Variants in RAD51B observed in about 807,000 individuals in gnomAD.
RAD51B encodes RAD51 paralog B, also known as DNA repair protein RAD51 homolog 2.
A neutral mutation model predicts 42.2 loss-of-function variants in RAD51B; 38 were observed. The observed-to-expected ratio is 0.90, with a 90% CI of 0.70 to 1.18. The LOEUF (loss-of-function observed/expected upper bound fraction) is 1.18. Ranked by LOEUF, RAD51B falls within the 50% of genes most tolerant of loss-of-function variation. The pLI is 0.00. For missense variants in RAD51B, 373 were observed against 400.7 expected, an observed-to-expected ratio of 0.93 and a Z score of 0.59; for synonymous variants, 154 against 145.2, an observed-to-expected ratio of 1.06 and a Z score of -0.43.
chr14:68,309,961 C>T (rs1259898699), intron 8 of RAD51B, among the ~76,000 whole-genome samples: 4 of 152,012 alleles, frequency 2.6e-5, no homozygotes, highest in African/African-American at 9.7e-5. Flanking sequence ...TAGGATGGCA[C>T]ATGTAAATTA....
At chr14:67,953,416 G>T (rs2074489966) in intron 7 of RAD51B, among the ~76,000 whole-genome samples, 1 of 152,132 alleles carries the variant, frequency 6.6e-6, no homozygotes, top group Admixed American at 6.6e-5. Context: ...GGCAAGTAAA[G>T]CTTAGAGCCA....
At chr14:67,837,143 G>GCA (rs1018514123) in intron 4 of RAD51B, among the ~76,000 whole-genome samples, 2 of 151,274 alleles carry the variant, frequency 1.3e-5, no homozygotes, top group African/African-American at 2.4e-5. Flanking sequence ...TAATAAAAAT[G>GCA]CACACACACA....
chr14:68,212,185 T>C lies in RAD51B; in HGVS notation c.757-79699T>C, dbSNP rs571780248. On this transcript the variant is annotated intron_variant, in intron 7 of 10. Coordinates refer to ENST00000471583, the MANE Select transcript of RAD51B (RefSeq NM_133510.4). The stretch of plus-strand genomic sequence containing the variant: ...GACCCAAGCTGTACAGTTCATACAA[T>C]GAAATAGTGCCATTTAGTAAAAAAG... 2.0e-4 allele frequency among the ~76,000 whole-genome samples: 30 copies of C among 152,294 alleles called. No individual in the cohort carries two copies. The East Asian group carries it at 5.6e-3, about 28-fold the overall frequency.
chr14:68,336,953 C>CA (rs1240098051), intron 8 of RAD51B, among the ~76,000 whole-genome samples: 1 of 152,122 alleles, frequency 6.6e-6, no homozygotes, highest in African/African-American at 2.4e-5. Context: ...ATGTTTTTAA[C>CA]AAACATTACA....
At chr14:68,276,969 AG>A (rs2081237937) in intron 7 of RAD51B, among the ~76,000 whole-genome samples, 1 of 152,240 alleles carries the variant, frequency 6.6e-6, no homozygotes, top group Admixed American at 6.5e-5. Flanking sequence ...GCACTTGAAA[AG>A]ATGAGTGTAC....
chr14:68,667,547 A>G (rs767127), intron 11 of RAD51B, among the ~76,000 whole-genome samples: 78,567 of 152,078 alleles, frequency 0.52, 20,663 homozygotes, highest in East Asian at 0.8. Flanking sequence ...AAAATTAACC[A>G]TTACATCCAG....
At chr14:67,965,112 C>T (rs552060788) in intron 7 of RAD51B, among the ~76,000 whole-genome samples, 15 of 152,250 alleles carry the variant, frequency 9.9e-5, no homozygotes, top group Admixed American at 6.5e-4. Context: ...GGGTTGCTAT[C>T]CTAGTAAGTA....
intron 4 of RAD51B, among the ~76,000 whole-genome samples, chr14:67,841,389 T>C (rs1212470948): frequency 6.6e-6 from 1 of 152,198 alleles, no homozygotes; most frequent in Admixed American, 6.5e-5. Context: ...ATTTATTCTG[T>C]TGATAGTTTC....
At chr14:68,120,733 T>C (rs936801277) in intron 7 of RAD51B, among the ~76,000 whole-genome samples, 1 of 152,098 alleles carries the variant, frequency 6.6e-6, no homozygotes, top group Non-Finnish European at 1.5e-5. Flanking sequence ...CTTGTCCTGC[T>C]TGGGCCCGGG....
chr14:67,979,693 A>G (rs974333370), intron 7 of RAD51B, among the ~76,000 whole-genome samples: 4 of 151,878 alleles, frequency 2.6e-5, no homozygotes, highest in Admixed American at 6.6e-5. Flanking sequence ...TACTATTATT[A>G]TTTTCATGTT....
intron 7 of RAD51B, among the ~76,000 whole-genome samples, chr14:68,273,058 C>T (rs550832083): frequency 1.2e-3 from 178 of 152,164 alleles, no homozygotes; most frequent in Admixed American, 3.4e-3. Context: ...CTGAAAGCAA[C>T]TGTTGAAGAA....
intron 10 of RAD51B, among the ~76,000 whole-genome samples, chr14:68,486,640 G>A (rs1883647167): frequency 2.0e-5 from 3 of 152,186 alleles, no homozygotes; most frequent in Admixed American, 2.0e-4. Flanking sequence ...AGCAAATTTT[G>A]CAGTGATTAT....
chr14:67,968,493 T>A (rs915820760), intron 7 of RAD51B, among the ~76,000 whole-genome samples: 1 of 152,224 alleles, frequency 6.6e-6, no homozygotes, highest in Non-Finnish European at 1.5e-5. Context: ...GCTTTGCTGC[T>A]TAGAAATTTC....
At chr14:67,867,611 A>G (rs965076725) in intron 5 of RAD51B, among the ~76,000 whole-genome samples, 9 of 152,202 alleles carry the variant, frequency 5.9e-5, no homozygotes, top group African/African-American at 1.9e-4. Context: ...AGAGGCTGGG[A>G]AAGTGAGGGG....
At chr14:68,433,439 T>C (rs377028384) in intron 9 of RAD51B, among the ~76,000 whole-genome samples, 3 of 152,128 alleles carry the variant, frequency 2.0e-5, no homozygotes, top group East Asian at 1.9e-4. Context: ...GGAGGCTTTG[T>C]TCATTTCTTT....
intron 8 of RAD51B, among the ~76,000 whole-genome samples, chr14:68,408,312 G>A (rs916771340): frequency 1.3e-5 from 2 of 152,168 alleles, no homozygotes; most frequent in African/African-American, 4.8e-5. Flanking sequence ...AGATTAACTG[G>A]AGGGTCAAAG....
chr14:68,049,792 C>T (rs2076363276), intron 7 of RAD51B, among the ~76,000 whole-genome samples: 1 of 152,170 alleles, frequency 6.6e-6, no homozygotes. Context: ...ATGCCATCTC[C>T]AGGTCTGTAT....
At chr14:68,188,598 T>A (rs960459805) in intron 7 of RAD51B, among the ~76,000 whole-genome samples, 7 of 152,210 alleles carry the variant, frequency 4.6e-5, no homozygotes, top group Admixed American at 2.0e-4. Flanking sequence ...GATTACTTCA[T>A]CAAAGCAATT....
intron 7 of RAD51B, among the ~76,000 whole-genome samples, chr14:68,100,277 A>G (rs899424588): frequency 1.3e-5 from 2 of 152,222 alleles, no homozygotes; most frequent in African/African-American, 4.8e-5. Flanking sequence ...TTGGATACTC[A>G]TGTGCCTGTG....
Sources: gnomAD v4.1 joint callset for allele counts (sites outside exome capture counted in the v4.1 genomes callset) on GRCh38, gnomAD v4.1.1 for gene constraint, MANE v1.5 for transcripts, NCBI Gene and HGNC (gene_info 2026-07-23, HGNC 2026-07-21) for gene names.